The following PGAP3 variants were observed in gnomAD, a reference collection of about 807,000 sequenced individuals.
The protein encoded by PGAP3 is GPI-specific phospholipase A2-like PGAP3.
Under a neutral mutation model 40.3 loss-of-function variants are expected in PGAP3, and 31 were observed. That is an observed-to-expected ratio of 0.77 (90% confidence interval 0.58 to 1.04). The LOEUF (loss-of-function observed/expected upper bound fraction) is 1.04. Ranked by LOEUF, PGAP3 falls within the 50% of genes least tolerant of loss-of-function variation. The probability of loss-of-function intolerance (pLI) is 0.00; values close to 1 mark genes in which losing one functional copy is unlikely to be tolerated. For synonymous variants in PGAP3, 191 were observed against 184.5 expected, an observed-to-expected ratio of 1.04 and a Z score of -0.29; for missense variants, 413 against 423.0, an observed-to-expected ratio of 0.98 and a Z score of 0.21.
At chr17:39,680,885 C>A (rs1164349927) in intron 3 of PGAP3, among the ~76,000 whole-genome samples, 2 of 151,936 alleles carry the variant, frequency 1.3e-5, no homozygotes, top group East Asian at 3.9e-4. Context: ...AGACAGGTCA[C>A]CCTTTGTCAC....
At chr17:39,675,771 A>G (rs949545680) in intron 3 of PGAP3, among the ~76,000 whole-genome samples, 1 of 152,050 alleles carries the variant, frequency 6.6e-6, no homozygotes, top group African/African-American at 2.4e-5. Flanking sequence ...GAGAAGGGGT[A>G]CAGGCGGGGC....
At chr17:39,674,700 G>A (rs1254054732) in intron 3 of PGAP3, 21 bp from the exon 4 acceptor site, 3 of 1,546,078 alleles carry the variant, frequency 1.9e-6, no homozygotes, top group Admixed American at 2.0e-5. Context: ...AGGGGCTGGT[G>A]AGCATGCTGC....
chr17:39,678,274 C>T lies in PGAP3; in HGVS notation c.433-3595G>A, dbSNP rs1006745437. ...AAGAATCAGTCCCCACCTACACAAACCACTCTACAGAGATGGTTTGGGCTT... is the reference window on the plus strand; with the variant it reads ...AAGAATCAGTCCCCACCTACACAAATCACTCTACAGAGATGGTTTGGGCTT... On this transcript the variant is annotated intron_variant, in intron 3 of 7. Coordinates refer to ENST00000300658, the MANE Select transcript of PGAP3 (RefSeq NM_033419.5). Among the ~76,000 whole-genome samples, 5 of 152,334 alleles carry T rather than the reference C, an allele frequency of 3.3e-5. No individual in the cohort carries two copies. In the South Asian group the frequency reaches 1.0e-3, roughly 32 times the overall value.
At chr17:39,682,464 G>A (rs1028678429) in intron 3 of PGAP3, among the ~76,000 whole-genome samples, 4 of 152,064 alleles carry the variant, frequency 2.6e-5, no homozygotes, top group African/African-American at 9.7e-5. Flanking sequence ...ACTTGTTATG[G>A]ATGAACAAGC....
Position 39,676,291 on chromosome 17 carries a change from G to A in PGAP3, c.433-1612C>T, listed in dbSNP as rs1418433472. 4.6e-5 allele frequency among the ~76,000 whole-genome samples: 7 copies of A among 152,186 alleles called. No homozygotes were observed. In the East Asian group the frequency reaches 9.6e-4, roughly 21 times the overall value. On this transcript the variant is annotated intron_variant, in intron 3 of 7. Coordinates refer to ENST00000300658, the MANE Select transcript of PGAP3 (RefSeq NM_033419.5). ...ATCCTTAGGGAGGAGAGTGGCCCTG[G>A]AGCCAATGTGGGAAGGAGAAGAGGA... is the stretch of plus-strand genomic sequence containing the variant.
At chr17:39,686,496 TCTGC>T in intron 1 of PGAP3, among the ~76,000 whole-genome samples, 1 of 151,804 alleles carries the variant, frequency 6.6e-6, no homozygotes, top group East Asian at 1.9e-4. Flanking sequence ...CCTCAGGTTA[TCTGC>T]CTGCCTCTGC....
intron 3 of PGAP3, among the ~76,000 whole-genome samples, chr17:39,679,104 CCTGA>C (rs1001625470): frequency 6.6e-6 from 1 of 152,128 alleles, no homozygotes; most frequent in Non-Finnish European, 1.5e-5. Context: ...CATCACCACG[CCTGA>C]CTAATTTTTG....
chr17:39,673,551 G>A lies in PGAP3; in HGVS notation c.657C>T (p.Phe219=), dbSNP rs372234504. 15 of 1,614,020 alleles carry A rather than the reference G, an allele frequency of 9.3e-6. No homozygotes were observed. Among genetic ancestry groups the A allele is most frequent in the South Asian group, 2.2e-5 (2 of 91,084 alleles). The change falls in exon 6 of 8, where the codon TTC becomes TTT. Residue 219 remains phenylalanine (F), a synonymous_variant. Transcript: ENST00000300658. ...VHVSYLSLIR[F]DYGYNLVANV... Reference sequence around the variant, plus strand: ...TGGCCACCAGGTTGTAGCCATAGTCGAAGCGGATGAGGCTCAGGTAGGAGA... The same window carrying A: ...TGGCCACCAGGTTGTAGCCATAGTCAAAGCGGATGAGGCTCAGGTAGGAGA...
chr17:39,674,829 C>T (rs938255406), intron 3 of PGAP3, 150 bp from the exon 4 acceptor site: 5 of 783,730 alleles, frequency 6.4e-6, no homozygotes, highest in African/African-American at 5.2e-5. Flanking sequence ...CTGAACAAAC[C>T]TATGTCCCTC....
intron 3 of PGAP3, among the ~76,000 whole-genome samples, chr17:39,682,291 A>G (rs866395351): frequency 7.9e-4 from 105 of 132,458 alleles, no homozygotes; most frequent in African/African-American, 2.8e-3. Context: ...GTTTCTTTCT[A>G]TTGTTCTGTT....
intron 3 of PGAP3, among the ~76,000 whole-genome samples, chr17:39,677,291 G>GTAGAC (rs2057386352): frequency 6.6e-6 from 1 of 152,140 alleles, no homozygotes; most frequent in East Asian, 1.9e-4. Flanking sequence ...ATCAGGTCCA[G>GTAGAC]TAGACTGACT....
At position 39,674,046 on chromosome 17, in the gene PGAP3, G is replaced by C. The variant is rs759883604; in HGVS notation, c.504C>G (p.Asp168Glu). ...GGATGACAGTGGAGGCACAGAAGTA[G>C]TCCATTTTCTGAGGACAGGGAAGGG... is the stretch of plus-strand genomic sequence containing the variant. ...TRDTDLTEKMDYFCASTVILH... is the reference protein window; with the variant it reads ...TRDTDLTEKMEYFCASTVILH... The change falls in exon 5 of 8, where the codon GAC becomes GAG. Residue 168 changes from aspartate (D) to glutamate (E), a missense_variant. Transcript: ENST00000300658. The C allele has an allele frequency of 6.2e-7, 1 of 1,613,918 alleles. No homozygotes were observed. Among genetic ancestry groups the C allele is most frequent in the Non-Finnish European group, 8.5e-7 (1 of 1,179,838 alleles).
At chr17:39,673,710 C>A in intron 5 of PGAP3, 60 bp from the exon 6 acceptor site, 1 of 1,596,378 alleles carries the variant, frequency 6.3e-7, no homozygotes, top group South Asian at 1.1e-5. Context: ...GCAGCATTCC[C>A]TGAAGCATCT....
chr17:39,679,524 G>T (rs1465507303), intron 3 of PGAP3, among the ~76,000 whole-genome samples: 2 of 152,214 alleles, frequency 1.3e-5, no homozygotes, highest in African/African-American at 4.8e-5. Flanking sequence ...GGGGACAAGT[G>T]GGTGGTACAC....
chr17:39,679,466 G>GCTT (rs2057413881), intron 3 of PGAP3, among the ~76,000 whole-genome samples: 1 of 152,200 alleles, frequency 6.6e-6, no homozygotes, highest in South Asian at 2.1e-4. Flanking sequence ...AAGGCTCTAA[G>GCTT]CTTCTTCAGA....
At chr17:39,675,678 C>G (rs1597815713) in intron 3 of PGAP3, among the ~76,000 whole-genome samples, 1 of 152,220 alleles carries the variant, frequency 6.6e-6, no homozygotes, top group East Asian at 1.9e-4. Flanking sequence ...AGAAGCTACA[C>G]TCTGTCTGGC....
chr17:39,673,806 G>C (rs2057340810), intron 5 of PGAP3, 156 bp from the exon 6 acceptor site: 1 of 1,241,702 alleles, frequency 8.1e-7, no homozygotes, highest in Non-Finnish European at 1.1e-6. Flanking sequence ...AAGTGCTACA[G>C]CTCCTTGTCA....
At chr17:39,682,510 A>T (rs984999103) in intron 3 of PGAP3, among the ~76,000 whole-genome samples, 5 of 152,308 alleles carry the variant, frequency 3.3e-5, no homozygotes, top group African/African-American at 9.6e-5. Flanking sequence ...GATGCCTGGC[A>T]TACAGTATGA....
chr17:39,686,045 G>T, intron 1 of PGAP3, 26 bp from the exon 2 acceptor site: 1 of 1,589,796 alleles, frequency 6.3e-7, no homozygotes, highest in South Asian at 1.1e-5. Flanking sequence ...GTGGCCTGGT[G>T]AACTCCCCAG....
Sources: allele counts gnomAD v4.1 joint callset (sites outside exome capture counted in the v4.1 genomes callset), GRCh38; gene constraint gnomAD v4.1.1; transcripts MANE v1.5; gene names NCBI Gene and HGNC (gene_info 2026-07-23, HGNC 2026-07-21).